SLC9A3: variants seen among roughly 807,000 people sequenced by gnomAD.
SLC9A3 encodes the protein sodium/hydrogen exchanger 3.
SLC9A3 carries 37 observed loss-of-function variants against 86.8 expected under a neutral mutation model. The observed-to-expected ratio is 0.43, with a 90% CI of 0.33 to 0.56. The LOEUF (loss-of-function observed/expected upper bound fraction) is 0.56. Among genes scored for constraint, SLC9A3 ranks in the 20% least tolerant of loss-of-function variants. The probability of loss-of-function intolerance (pLI) is 0.06; values close to 1 mark genes in which losing one functional copy is unlikely to be tolerated. For synonymous variants in SLC9A3, 581 were observed against 528.3 expected, an observed-to-expected ratio of 1.10 and a Z score of -1.37; for missense variants, 1,011 against 1,171.9, an observed-to-expected ratio of 0.86 and a Z score of 2.00.
chr5:473,512 G>C (rs533354016), intron 16 of SLC9A3, 130 bp from the exon 17 acceptor site: 6 of 730,298 alleles, frequency 8.2e-6, no homozygotes, highest in Non-Finnish European at 1.1e-5. Context: ...CCCCAGGCTC[G>C]GCGTCCGCTG....
chr5:484,728 C>T (rs777362358), intron 4 of SLC9A3, 31 bp from the exon 5 acceptor site: 107 of 1,607,738 alleles, frequency 6.7e-5, no homozygotes, highest in Admixed American at 1.3e-4. Context: ...GTGGCCGTGC[C>T]GGCCTTCCGG....
At chr5:508,282 C>A (rs567211774) in intron 1 of SLC9A3, among the ~76,000 whole-genome samples, 4 of 148,494 alleles carry the variant, frequency 2.7e-5, no homozygotes, top group African/African-American at 1.0e-4. Context: ...ATAGTGTGCC[C>A]GGGATGGAGA....
intron 1 of SLC9A3, among the ~76,000 whole-genome samples, chr5:498,550 C>T (rs887756089): frequency 3.9e-5 from 6 of 152,172 alleles, no homozygotes; most frequent in East Asian, 3.9e-4. Flanking sequence ...TACAGGCGTG[C>T]GCCACCATGC....
At chr5:473,603 C>A (rs552111433) in intron 16 of SLC9A3, among the ~76,000 whole-genome samples, 2 of 152,106 alleles carry the variant, frequency 1.3e-5, no homozygotes, top group African/African-American at 2.4e-5. Context: ...CCGCCACGTC[C>A]CCCCGCCGGG....
intron 1 of SLC9A3, among the ~76,000 whole-genome samples, chr5:502,007 C>A (rs1560967628): frequency 6.6e-6 from 1 of 152,274 alleles, no homozygotes; most frequent in East Asian, 1.9e-4. Context: ...CCAAGAACAA[C>A]AGCCCGTTCA....
At position 473,152 on chromosome 5, in the gene SLC9A3, C is replaced by CCCCCGGCGCAGGCCCCGT; in HGVS notation, c.*226_*227insACGGGGCCTGCGCCGGGG. 2.7e-6 allele frequency: 1 copy of CCCCCGGCGCAGGCCCCGT among 365,602 alleles called. No individual in the cohort carries two copies. Among genetic ancestry groups the CCCCCGGCGCAGGCCCCGT allele is most frequent in the Non-Finnish European group, 4.5e-6 (1 of 223,718 alleles). 22.6% of individuals were successfully genotyped at this position (365,602 alleles called of 1,614,324 possible). A position where few individuals can be genotyped will look rare whatever the true frequency, so the allele number is the denominator to read the frequency against. ...GGCAGCCCTCGGCGCTCCGGCCCCG[C>CCCCCGGCGCAGGCCCCGT]CCCCGGCGCAGGCCCCGCCCCCGGC... On this transcript the variant is annotated 3_prime_UTR_variant, in exon 17 of 17. Transcript: ENST00000264938.
chr5:497,691 G>A lies in SLC9A3; in HGVS notation c.212-5620C>T, dbSNP rs1166303990. 6.6e-6 allele frequency among the ~76,000 whole-genome samples: 1 copy of A among 152,102 alleles called. No homozygotes were observed. Among genetic ancestry groups the A allele is most frequent in the Admixed American group, 6.5e-5 (1 of 15,274 alleles). ...GAGCCGCTGACCCTGACCCCTGGGAGTGAAGCCTCATCTGCCCCTGTCCTG... is the reference window on the plus strand; with the variant it reads ...GAGCCGCTGACCCTGACCCCTGGGAATGAAGCCTCATCTGCCCCTGTCCTG... On this transcript the variant is annotated intron_variant, in intron 1 of 16. Transcript: ENST00000264938. The surrounding 1 kb of genome is among the most constrained non-coding windows in gnomAD (Gnocchi z 5.4).
At chr5:501,765 G>A (rs575616463) in intron 1 of SLC9A3, among the ~76,000 whole-genome samples, 5 of 152,368 alleles carry the variant, frequency 3.3e-5, no homozygotes, top group Admixed American at 2.6e-4. Context: ...TGTGTCGGCC[G>A]TCAAGCCCAG....
At chr5:520,974 C>T (rs1733869000) in intron 1 of SLC9A3, among the ~76,000 whole-genome samples, 1 of 152,152 alleles carries the variant, frequency 6.6e-6, no homozygotes, top group Non-Finnish European at 1.5e-5. Flanking sequence ...CTAGAGTGGC[C>T]CTGGTGCGGG....
rs910257067 is a variant in SLC9A3, at chr5:471,936, C to A, written c.*1443G>T. On this transcript the variant is annotated 3_prime_UTR_variant, in exon 17 of 17. Coordinates refer to ENST00000264938, the MANE Select transcript of SLC9A3 (RefSeq NM_004174.4). Reference sequence around the variant, plus strand: ...GTCAACATAAAACTCTTTAAGAACTCCTCCTGACTGGTGACTGTCAACACT... The same window carrying A: ...GTCAACATAAAACTCTTTAAGAACTACTCCTGACTGGTGACTGTCAACACT... The A allele has an allele frequency of 2.2e-6, 1 of 456,634 alleles. No homozygotes were observed. The highest frequency in any genetic ancestry group is 2.3e-5 in the Admixed American group (1 of 42,592). The allele number at this position is 456,634 out of a possible 1,614,324, so 28.3% of individuals were successfully genotyped here. A position where few individuals can be genotyped will look rare whatever the true frequency, so the allele number is the denominator to read the frequency against.
intron 1 of SLC9A3, among the ~76,000 whole-genome samples, chr5:512,682 G>A (rs143932788): frequency 7.2e-5 from 11 of 152,280 alleles, no homozygotes; most frequent in Admixed American, 3.3e-4. Context: ...AAGTCTATTC[G>A]TTTTCTAAGA....
chr5:488,126 AAAG>A (rs1415003249), intron 3 of SLC9A3, among the ~76,000 whole-genome samples, 187 bp downstream of exon 3: 2 of 152,352 alleles, frequency 1.3e-5, no homozygotes, highest in African/African-American at 4.8e-5. Flanking sequence ...TGGAAGATAC[AAAG>A]AAGCCTCGCG....
chr5:476,189 G>GACCC lies in SLC9A3; in HGVS notation c.2067+9_2067+12dup. On this transcript the variant is annotated intron_variant, in intron 13 of 16. Coordinates refer to ENST00000264938, the MANE Select transcript of SLC9A3 (RefSeq NM_004174.4). ...CCCCAGCCCCGCCAAGCCTCCTGGT[G>GACCC]ACCCAGCCTTACCCGCTTCTGGGCA... is the stretch of plus-strand genomic sequence containing the variant. 6.2e-7 allele frequency: 1 copy of GACCC among 1,613,404 alleles called. No individual in the cohort carries two copies. Among genetic ancestry groups the GACCC allele is most frequent in the Non-Finnish European group, 8.5e-7 (1 of 1,179,764 alleles).
At chr5:475,360 C>T (rs1255298407) in intron 15 of SLC9A3, 6 of 618,358 alleles carry the variant, frequency 9.7e-6, no homozygotes, top group Middle Eastern at 4.3e-4. Context: ...CACCTGCTCC[C>T]TGCCCGGCCC....
chr5:477,328 A>AT lies in SLC9A3; in HGVS notation c.1760+3dup, dbSNP rs1236055886. On this transcript the variant is annotated splice_donor_region_variant and intron_variant, in intron 11 of 16. Coordinates refer to ENST00000264938, the MANE Select transcript of SLC9A3 (RefSeq NM_004174.4). ...AGGGAAGCTGCATGACCATGGCCACATACAGGAGGTAGGAGACAGAGGCCT... is the reference window on the plus strand; with the variant it reads ...AGGGAAGCTGCATGACCATGGCCACATTACAGGAGGTAGGAGACAGAGGCCT... 2 of 1,589,470 alleles carry AT rather than the reference A, an allele frequency of 1.3e-6. No homozygotes were observed. The highest frequency in any genetic ancestry group is 3.4e-5 in the Admixed American group (2 of 58,098).
chr5:488,235 G>T, intron 3 of SLC9A3, 81 bp downstream of exon 3: 1 of 1,503,374 alleles, frequency 6.7e-7, no homozygotes, highest in Non-Finnish European at 9.2e-7. Flanking sequence ...GCCCTCCTTT[G>T]CTGACTGACC....
At chr5:508,888 C>A (rs1740742145) in intron 1 of SLC9A3, among the ~76,000 whole-genome samples, 1 of 151,322 alleles carries the variant, frequency 6.6e-6, no homozygotes, top group Non-Finnish European at 1.5e-5. Context: ...GCAGGAGAAT[C>A]GCTTGAGCCC....
intron 2 of SLC9A3, among the ~76,000 whole-genome samples, chr5:490,224 A>AGTG (rs1173737400): frequency 1.4e-4 from 21 of 152,152 alleles, no homozygotes; most frequent in Non-Finnish European, 2.6e-4. Flanking sequence ...TCACCTGGGG[A>AGTG]GCGGCCTGCC....
chr5:479,850 T>C lies in SLC9A3; in HGVS notation c.1633A>G (p.Ser545Gly). The C allele has an allele frequency of 6.2e-7, 1 of 1,613,650 alleles. No homozygotes were observed. Among genetic ancestry groups the C allele is most frequent in the Non-Finnish European group, 8.5e-7 (1 of 1,179,976 alleles). Reference sequence around the variant, plus strand: ...GGCTCTGCTACCTCAGCCACGTAGCTGATGGCATCCTTCAGGTTCAGCTCG... The same window carrying C: ...GGCTCTGCTACCTCAGCCACGTAGCCGATGGCATCCTTCAGGTTCAGCTCG... ...FHELNLKDAISYVAEGERRGS... is the reference protein window; with the variant it reads ...FHELNLKDAIGYVAEGERRGS... Residue 545 changes from serine (S) to glycine (G), a missense_variant, in exon 10 of 17, where the codon AGC (serine) becomes GGC (glycine). By Grantham distance (56) the Ser-to-Gly change is moderately conservative (BLOSUM62 0). Coordinates refer to ENST00000264938, the MANE Select transcript of SLC9A3 (RefSeq NM_004174.4).
Sources: gnomAD v4.1 joint callset for allele counts (sites outside exome capture counted in the v4.1 genomes callset) on GRCh38, gnomAD v4.1.1 for gene constraint, Gnocchi (gnomAD v3.1) non-coding constraint, MANE v1.5 for transcripts, NCBI Gene and HGNC (gene_info 2026-07-23, HGNC 2026-07-21) for gene names.